ABLIM2: variants seen among roughly 807,000 people sequenced by gnomAD.
ABLIM2 encodes the protein actin binding LIM protein family member 2, also known as actin-binding LIM protein 2.
In ABLIM2, 53 loss-of-function variants were observed where a neutral mutation model predicts 97.7. That is an observed-to-expected ratio of 0.54 (90% CI 0.44 to 0.68). The LOEUF (loss-of-function observed/expected upper bound fraction) is 0.68. Ranked by LOEUF, ABLIM2 falls within the 30% of genes least tolerant of loss-of-function variation. The pLI is 0.00. For missense variants in ABLIM2, 835 were observed against 867.2 expected, an observed-to-expected ratio of 0.96 and a Z score of 0.47; for synonymous variants, 361 against 345.8, an observed-to-expected ratio of 1.04 and a Z score of -0.49.
rs1260739677 is a variant in ABLIM2, at chr4:7,965,680, AAC to A, written c.*1308_*1309del. 1 of 152,138 alleles carries A rather than the reference AAC, an allele frequency of 6.6e-6. No homozygotes were observed. Among genetic ancestry groups the A allele is most frequent in the Non-Finnish European group, 1.5e-5 (1 of 68,022 alleles). 9.4% of individuals were successfully genotyped at this position (152,138 alleles called of 1,614,324 possible). ...CCTGTGACGGCCGGTGCTGCACCCT[AAC>A]ACACACCTAATGACAGACACCAACG... On this transcript the variant is annotated 3_prime_UTR_variant, in exon 21 of 21. Coordinates refer to ENST00000447017, the MANE Select transcript of ABLIM2 (RefSeq NM_001130083.2).
intron 1 of ABLIM2, among the ~76,000 whole-genome samples, chr4:8,145,878 C>G (rs1050265113): frequency 6.6e-6 from 1 of 151,490 alleles, no homozygotes; most frequent in Non-Finnish European, 1.5e-5. Context: ...TATCTCAGAG[C>G]AAGAGGACCT....
In ABLIM2 at chr4:8,019,651, T is replaced by C. The variant is rs753901184; in HGVS notation, c.1390A>G (p.Ile464Val). Reference sequence around the variant, plus strand: ...CTGTAGATAGGGGGTTTCCTATAGATGTTATCTTTTACGCCAGTGTCTGGG... The same window carrying C: ...CTGTAGATAGGGGGTTTCCTATAGACGTTATCTTTTACGCCAGTGTCTGGG... ...HVPDTGVKDN[I>V]YRKPPIYRQH... The change falls in exon 14 of 21, where the codon ATC becomes GTC. Residue 464 changes from isoleucine (I) to valine (V), a missense_variant. Coordinates refer to ENST00000447017, the MANE Select transcript of ABLIM2 (RefSeq NM_001130083.2). This position sits in a 1 kb window ranked among gnomAD's most constrained non-coding sequence, Gnocchi z 4.3. 1.2e-6 allele frequency: 2 copies of C among 1,612,280 alleles called. No homozygotes were observed. The highest frequency in any genetic ancestry group is 1.1e-5 in the South Asian group (1 of 90,718).
rs1222712870 is a variant in ABLIM2 at position 8,097,185 on chromosome 4, G to A, written c.252C>T (p.Phe84=). 6.2e-7 allele frequency: 1 copy of A among 1,602,254 alleles called. No homozygotes were observed. The highest frequency in any genetic ancestry group is 8.5e-7 in the Non-Finnish European group (1 of 1,174,826). Reference sequence around the variant, plus strand: ...CACCCTCAATGAACTGGTCGCAGCTGAAGCAGCGGGTGCCGTAGAGCCTCT... The same window carrying A: ...CACCCTCAATGAACTGGTCGCAGCTAAAGCAGCGGGTGCCGTAGAGCCTCT... ...DYQRLYGTRC[F]SCDQFIEGEV... The change falls in exon 3 of 21, where the codon TTC becomes TTT. Residue 84 remains phenylalanine (F), a synonymous_variant. Transcript: ENST00000447017.
In ABLIM2 at chr4:8,150,317, T is replaced by G. The variant is rs1712214004; in HGVS notation, c.10+8363A>C. 1.3e-5 allele frequency among the ~76,000 whole-genome samples: 2 copies of G among 152,186 alleles called. No homozygotes were observed. The highest frequency in any genetic ancestry group is 4.8e-5 in the African/African-American group (2 of 41,454). On this transcript the variant is annotated intron_variant, in intron 1 of 20. Coordinates refer to ENST00000447017, the MANE Select transcript of ABLIM2 (RefSeq NM_001130083.2). This position sits in a 1 kb window ranked among gnomAD's most constrained non-coding sequence, Gnocchi z 6.3. Reference sequence around the variant, plus strand: ...CGGCAGACAGATGAGGAGGCCATGCTGAACTGGGGACGGAGTTCCACCCAT... The same window carrying G: ...CGGCAGACAGATGAGGAGGCCATGCGGAACTGGGGACGGAGTTCCACCCAT...
chr4:8,143,159 T>TTGGC (rs58979220), intron 1 of ABLIM2, among the ~76,000 whole-genome samples: 3 of 61,368 alleles, frequency 4.9e-5, no homozygotes, highest in African/African-American at 1.4e-4. Flanking sequence ...GGGGCGAGAG[T>TTGGC]GGGGGGGGGG....
At chr4:8,000,477 A>G (rs1391450131) in intron 16 of ABLIM2, among the ~76,000 whole-genome samples, 2 of 151,916 alleles carry the variant, frequency 1.3e-5, no homozygotes, top group African/African-American at 2.4e-5. Flanking sequence ...AGATTGAATC[A>G]TGGGTGGACT....
rs1027690523 is a variant in ABLIM2, at chr4:8,036,175, C to A, written c.1021G>T (p.Ala341Ser). 2 of 1,613,878 alleles carry A rather than the reference C, an allele frequency of 1.2e-6. No individual in the cohort carries two copies. The highest frequency in any genetic ancestry group is 1.1e-5 in the South Asian group (1 of 91,082). ...ISYSPYISHS[A>S]GDRQSYGEGD... The stretch of plus-strand genomic sequence containing the variant: ...TCGCCGTAGCTCTGCCTGTCCCCTG[C>A]AGAGTGGCTGATGTAGGGTGAGTAG... The change falls in exon 10 of 21, where the codon GCA becomes TCA. Residue 341 changes from alanine (A) to serine (S), a missense_variant. Coordinates refer to ENST00000447017, the MANE Select transcript of ABLIM2 (RefSeq NM_001130083.2).
chr4:8,110,089 G>A (rs540461000), intron 1 of ABLIM2, among the ~76,000 whole-genome samples: 1 of 152,234 alleles, frequency 6.6e-6, no homozygotes, highest in African/African-American at 2.4e-5. Flanking sequence ...TGCCTCTCTC[G>A]GCCACGCATG....
chr4:8,027,939 T>C, intron 11 of ABLIM2, 82 bp from the exon 12 acceptor site: 2 of 1,004,704 alleles, frequency 2.0e-6, no homozygotes. Flanking sequence ...CCCACTCTGC[T>C]ACGAACACTG....
chr4:7,979,380 C>A (rs1433639288), intron 20 of ABLIM2, among the ~76,000 whole-genome samples: 2 of 152,356 alleles, frequency 1.3e-5, no homozygotes, highest in Admixed American at 1.3e-4. Flanking sequence ...CCCACCCTCC[C>A]GCAGGCAAAC....
intron 5 of ABLIM2, among the ~76,000 whole-genome samples, chr4:8,078,147 T>C (rs1489744533): frequency 6.6e-6 from 1 of 152,140 alleles, no homozygotes; most frequent in African/African-American, 2.4e-5. Flanking sequence ...GGCTGGAGAA[T>C]GACAGAAAGC....
chr4:8,094,072 A>C lies in ABLIM2; in HGVS notation c.338+3027T>G, dbSNP rs145944135. Among the ~76,000 whole-genome samples the C allele has an allele frequency of 4.6e-5, 7 of 152,284 alleles. No individual in the cohort carries two copies. In the East Asian group the frequency reaches 1.3e-3, roughly 29 times the overall value. On this transcript the variant is annotated intron_variant, in intron 3 of 20. Coordinates refer to ENST00000447017, the MANE Select transcript of ABLIM2 (RefSeq NM_001130083.2). ...TTTTTAATGCTGTGTCTTCAAGTTTACTGATATTTTCTTCCAAAATACCCA... is the reference window on the plus strand; with the variant it reads ...TTTTTAATGCTGTGTCTTCAAGTTTCCTGATATTTTCTTCCAAAATACCCA...
chr4:8,139,057 A>G (rs1287220086), intron 1 of ABLIM2, among the ~76,000 whole-genome samples: 1 of 152,196 alleles, frequency 6.6e-6, no homozygotes, highest in African/African-American at 2.4e-5. Flanking sequence ...ATTGCCGGAC[A>G]TGGTGGCAGA....
At chr4:8,135,856 G>T (rs1396366883) in intron 1 of ABLIM2, among the ~76,000 whole-genome samples, 1 of 152,250 alleles carries the variant, frequency 6.6e-6, no homozygotes, top group Admixed American at 6.5e-5. Context: ...CCACTTCACA[G>T]GTGGTGAAGA....
At chr4:7,993,650 C>T (rs1340481145) in intron 16 of ABLIM2, among the ~76,000 whole-genome samples, 4 of 152,096 alleles carry the variant, frequency 2.6e-5, no homozygotes, top group African/African-American at 9.7e-5. Context: ...GCACTGCAGC[C>T]TGGGAGACAG....
chr4:8,071,447 C>T lies in ABLIM2; in HGVS notation c.675+6181G>A, dbSNP rs1811962739. On this transcript the variant is annotated intron_variant, in intron 6 of 20. Transcript: ENST00000447017. This position sits in a 1 kb window ranked among gnomAD's most constrained non-coding sequence, Gnocchi z 6.2. ...AGACGGGGAAGGAAAACCCCACTGT[C>T]ACCACCAAATGCACATTTCGCGGGC... 6.6e-6 allele frequency among the ~76,000 whole-genome samples: 1 copy of T among 152,214 alleles called. No individual in the cohort carries two copies. Among genetic ancestry groups the T allele is most frequent in the Admixed American group, 6.5e-5 (1 of 15,294 alleles).
chr4:8,016,083 C>T (rs1397712479), intron 14 of ABLIM2, among the ~76,000 whole-genome samples: 5 of 122,726 alleles, frequency 4.1e-5, no homozygotes, highest in Admixed American at 1.1e-4. Flanking sequence ...CTCACTCTGT[C>T]GCCCAGGCTG....
chr4:8,135,757 G>A (rs1241558428), intron 1 of ABLIM2, among the ~76,000 whole-genome samples: 1 of 152,216 alleles, frequency 6.6e-6, no homozygotes, highest in East Asian at 1.9e-4. Flanking sequence ...CGAAGGACTC[G>A]GCACCCAGCC....
At chr4:8,151,788 T>G (rs149946787) in intron 1 of ABLIM2, among the ~76,000 whole-genome samples, 1 of 140,950 alleles carries the variant, frequency 7.1e-6, no homozygotes, top group African/African-American at 2.7e-5. Flanking sequence ...GGCTGGGCTG[T>G]GTAAGCAGGG....
Sources: allele counts gnomAD v4.1 joint callset (sites outside exome capture counted in the v4.1 genomes callset), GRCh38; gene constraint gnomAD v4.1.1; non-coding constraint Gnocchi (gnomAD v3.1); transcripts MANE v1.5; gene names NCBI Gene and HGNC (gene_info 2026-07-23, HGNC 2026-07-21).